CHRNA7: variants seen among roughly 807,000 people sequenced by gnomAD.
CHRNA7 encodes the protein cholinergic receptor nicotinic alpha 7 subunit.
Under a neutral mutation model 48.0 loss-of-function variants are expected in CHRNA7, and 17 were observed. That is an observed-to-expected ratio of 0.35 (90% confidence interval 0.24 to 0.53). The LOEUF is 0.53. CHRNA7 is among the 20% of genes least tolerant of loss of function. The probability of loss-of-function intolerance (pLI) is 0.92; values close to 1 mark genes in which losing one functional copy is unlikely to be tolerated. For synonymous variants in CHRNA7, 75 were observed against 242.3 expected (o/e 0.31, Z 6.41); for missense variants, 155 against 577.7 (o/e 0.27, Z 7.50).
At chr15:32,032,492 C>A (rs1355904743) in intron 2 of CHRNA7, among the ~76,000 whole-genome samples, 3 of 152,174 alleles carry the variant, frequency 2.0e-5, no homozygotes, top group African/African-American at 7.2e-5. Context: ...AATATGGAAA[C>A]AACTTGAAGA....
In CHRNA7 at chr15:32,054,026, A is replaced by C. The variant is rs370918665; in HGVS notation, c.195+22989A>C. Among the ~76,000 whole-genome samples the C allele has an allele frequency of 6.8e-4, 103 of 152,340 alleles. No individual in the cohort carries two copies. The South Asian group carries it at 0.02, about 30-fold the overall frequency. On this transcript the variant is annotated intron_variant, in intron 2 of 9. Transcript: ENST00000306901. The stretch of plus-strand genomic sequence containing the variant: ...TTGTCTGTAAATATTCCTGTCTTGG[A>C]TAAAAGAGCCATGGTGTCTATACTC...
At chr15:32,116,151 G>T (rs2050866589) in intron 4 of CHRNA7, among the ~76,000 whole-genome samples, 1 of 152,174 alleles carries the variant, frequency 6.6e-6, no homozygotes, top group South Asian at 2.1e-4. Context: ...AAAGGAGGGG[G>T]TTAAATGCAT....
At chr15:32,146,157 T>C (rs1332967452) in intron 4 of CHRNA7, among the ~76,000 whole-genome samples, 1 of 152,236 alleles carries the variant, frequency 6.6e-6, no homozygotes, top group Non-Finnish European at 1.5e-5. Flanking sequence ...ATGCACAGTT[T>C]GTTTAACTTT....
chr15:32,064,228 C>G (rs1184058028), intron 2 of CHRNA7, among the ~76,000 whole-genome samples: 4 of 152,094 alleles, frequency 2.6e-5, no homozygotes, highest in Non-Finnish European at 5.9e-5. Context: ...CCTCCTTCTT[C>G]TTCTTTCTTC....
intron 3 of CHRNA7, among the ~76,000 whole-genome samples, chr15:32,107,456 TAAATA>T (rs1430425314): frequency 2.7e-5 from 4 of 149,472 alleles, no homozygotes; most frequent in Non-Finnish European, 5.9e-5. Context: ...AATATATTTA[TAAATA>T]AAATATATTT....
At chr15:32,142,495 G>C (rs949768989) in intron 4 of CHRNA7, among the ~76,000 whole-genome samples, 1 of 152,166 alleles carries the variant, frequency 6.6e-6, no homozygotes, top group African/African-American at 2.4e-5. Flanking sequence ...CGAAGAAATG[G>C]TACCGGCTCC....
intron 2 of CHRNA7, among the ~76,000 whole-genome samples, chr15:32,094,601 C>T (rs976641486): frequency 6.6e-6 from 1 of 152,034 alleles, no homozygotes; most frequent in Non-Finnish European, 1.5e-5. Context: ...ATCAAAGGAA[C>T]TTTTTTCCGA....
At chr15:32,100,749 G>C (rs960219268) in intron 2 of CHRNA7, 2 of 155,000 alleles carry the variant, frequency 1.3e-5, no homozygotes, top group African/African-American at 4.8e-5. Flanking sequence ...GTGCCTCCTA[G>C]AAGTTAGAGG....
At chr15:32,093,620 G>A (rs375562334) in intron 2 of CHRNA7, among the ~76,000 whole-genome samples, 12 of 152,094 alleles carry the variant, frequency 7.9e-5, no homozygotes, top group East Asian at 1.9e-4. Flanking sequence ...GGTGTTGCCC[G>A]GATCCAGGTC....
chr15:32,141,568 T>A (rs2141339151), intron 4 of CHRNA7, among the ~76,000 whole-genome samples: 1 of 152,368 alleles, frequency 6.6e-6, no homozygotes, highest in Admixed American at 6.5e-5. Context: ...GGAATGCTCT[T>A]CCATTTGTTT....
chr15:32,090,040 T>C (rs1444990837), intron 2 of CHRNA7, among the ~76,000 whole-genome samples: 2 of 152,186 alleles, frequency 1.3e-5, no homozygotes. Flanking sequence ...TAGGTGGGGA[T>C]GAGGGGAAGA....
intron 2 of CHRNA7, among the ~76,000 whole-genome samples, chr15:32,031,646 A>G (rs944087018): frequency 2.0e-5 from 3 of 152,224 alleles, no homozygotes; most frequent in Non-Finnish European, 2.9e-5. Flanking sequence ...TCAGGAATAC[A>G]TGTGTCTGTC....
intron 2 of CHRNA7, among the ~76,000 whole-genome samples, chr15:32,058,397 A>G (rs1444128340): frequency 6.6e-6 from 1 of 152,232 alleles, no homozygotes; most frequent in Admixed American, 6.5e-5. Flanking sequence ...GAAAAGGAAT[A>G]TTCATGACAG....
At chr15:32,130,989 C>T (rs2141316861) in intron 4 of CHRNA7, among the ~76,000 whole-genome samples, 1 of 152,190 alleles carries the variant, frequency 6.6e-6, no homozygotes, top group East Asian at 1.9e-4. Context: ...TGTCATACCA[C>T]CTCCTGCTGG....
chr15:32,030,737 G>T, intron 1 of CHRNA7, 88 bp downstream of exon 1: 1 of 1,525,390 alleles, frequency 6.6e-7, no homozygotes. Flanking sequence ...CCTGGGCCAG[G>T]TTTGGGATCT....
At chr15:32,146,995 A>G (rs544313849) in intron 4 of CHRNA7, among the ~76,000 whole-genome samples, 2 of 152,344 alleles carry the variant, frequency 1.3e-5, no homozygotes, top group African/African-American at 4.8e-5. Flanking sequence ...TTGCTGGGTC[A>G]GGGATAGACA....
At chr15:32,046,885 C>T (rs28776245) in intron 2 of CHRNA7, among the ~76,000 whole-genome samples, 7 of 151,776 alleles carry the variant, frequency 4.6e-5, no homozygotes, top group South Asian at 4.2e-4. Context: ...GCTTTCTACA[C>T]ATGGCTAGCC....
At chr15:32,054,914 A>G (rs1372037765) in intron 2 of CHRNA7, among the ~76,000 whole-genome samples, 2 of 152,238 alleles carry the variant, frequency 1.3e-5, no homozygotes, top group African/African-American at 4.8e-5. Flanking sequence ...GTAAAAGTAG[A>G]TTGGCGGGGC....
intron 3 of CHRNA7, chr15:32,102,465 T>G (rs1301741740): frequency 6.6e-6 from 1 of 152,156 alleles, no homozygotes; most frequent in Middle Eastern, 3.2e-3. Context: ...TTATTAATCG[T>G]GCCTTGGTTT....
Sources: allele counts gnomAD v4.1 joint callset (sites outside exome capture counted in the v4.1 genomes callset), GRCh38; gene constraint gnomAD v4.1.1; transcripts MANE v1.5; gene names NCBI Gene and HGNC (gene_info 2026-07-23, HGNC 2026-07-21).